The following PEX6 variants were observed in gnomAD, a reference collection of about 807,000 sequenced individuals.
PEX6 encodes peroxisomal biogenesis factor 6.
Under a neutral mutation model 85.6 loss-of-function variants are expected in PEX6, and 55 were observed. The observed-to-expected ratio is 0.64, with a 90% CI of 0.52 to 0.80. The LOEUF (loss-of-function observed/expected upper bound fraction) is 0.80. Ranked by LOEUF, PEX6 falls within the 30% of genes least tolerant of loss-of-function variation. The probability of loss-of-function intolerance (pLI) is 0.00; values close to 1 mark genes in which losing one functional copy is unlikely to be tolerated. For synonymous variants in PEX6, 519 were observed against 549.1 expected (o/e 0.95, Z 0.77); for missense variants, 1,099 against 1,260.3 (o/e 0.87, Z 1.94).
chr6:42,978,191 A>C, intron 1 of PEX6, 78 bp downstream of exon 1: 1 of 1,548,574 alleles, frequency 6.5e-7, no homozygotes, highest in Non-Finnish European at 8.9e-7. Flanking sequence ...CACGAGTCCT[A>C]AATCTTCCAA....
In PEX6 at chr6:42,978,500, G is replaced by A. The variant is rs1156724790; in HGVS notation, c.651C>T (p.Leu217=). The change falls in exon 1 of 17, where the codon CTC becomes CTT. Residue 217 remains leucine (L), a synonymous_variant. Coordinates refer to ENST00000304611, the MANE Select transcript of PEX6 (RefSeq NM_000287.4). Reference sequence around the variant, plus strand: ...CCACCCACACCCATTCGCCCTGGAAGAGGCCAAGGCCACGGAGACAGCTCC... The same window carrying A: ...CCACCCACACCCATTCGCCCTGGAAAAGGCCAAGGCCACGGAGACAGCTCC... ...VSRSCLRGLG[L]FQGEWVWVAQ... is the part of the protein sequence containing the mutation. 1.2e-6 allele frequency: 2 copies of A among 1,614,208 alleles called. No homozygotes were observed. The highest frequency in any genetic ancestry group is 8.5e-7 in the Non-Finnish European group (1 of 1,180,038).
At chr6:42,973,874 G>T in intron 3 of PEX6, 129 bp downstream of exon 3, 1 of 707,174 alleles carries the variant, frequency 1.4e-6, no homozygotes, top group East Asian at 2.8e-5. Flanking sequence ...ACACACACAC[G>T]CACACACAAA....
chr6:42,968,817 G>A, intron 6 of PEX6, 57 bp downstream of exon 6: 6 of 1,259,594 alleles, frequency 4.8e-6, no homozygotes, highest in South Asian at 2.4e-5. Context: ...AGCAGAGAGG[G>A]AGAACATGAG....
At chr6:42,969,080 CCT>C (rs1443461452) in intron 5 of PEX6, 95 bp from the exon 6 acceptor site, 11 of 861,476 alleles carry the variant, frequency 1.3e-5, no homozygotes, top group Non-Finnish European at 1.7e-5. Flanking sequence ...AAGCAGATAC[CCT>C]GTTTTTCTCT....
At chr6:42,966,989 TGA>T (rs1191279286) in intron 8 of PEX6, 131 bp from the exon 9 acceptor site, 36 of 608,544 alleles carry the variant, frequency 5.9e-5, no homozygotes, top group South Asian at 5.6e-4. Flanking sequence ...TTTTTTTTTT[TGA>T]GACGGAGTTT....
At chr6:42,974,184 G>T in intron 2 of PEX6, 98 bp from the exon 3 acceptor site, 2 of 892,456 alleles carry the variant, frequency 2.2e-6, no homozygotes, top group South Asian at 1.3e-5. Flanking sequence ...TACTTCTTGA[G>T]TCTACTGCCC....
intron 3 of PEX6, among the ~76,000 whole-genome samples, chr6:42,973,786 C>A (rs1057343289): frequency 6.6e-6 from 1 of 152,092 alleles, no homozygotes; most frequent in African/African-American, 2.4e-5. Context: ...ATCACTTGAG[C>A]CATGGAGGTA....
chr6:42,973,861 TACAC>T (rs1047866024), intron 3 of PEX6, 138 bp downstream of exon 3: 9 of 685,344 alleles, frequency 1.3e-5, no homozygotes, highest in East Asian at 1.1e-4. Context: ...AAGAACCTGT[TACAC>T]ACACACACGC....
In PEX6 at chr6:42,974,911, T is replaced by C; in HGVS notation, c.1010A>G (p.Tyr337Cys). 3 of 1,614,080 alleles carry C rather than the reference T, an allele frequency of 1.9e-6. No homozygotes were observed. The highest frequency in any genetic ancestry group is 2.5e-6 in the Non-Finnish European group (3 of 1,179,972). ...SSPHYSTNGN[Y>C]DGVLYRHFQI... ...AAAGTGCCGGTAAAGAACACCGTCATAATTTCCATTAGTGCTGTAGTGGGG... is the reference window on the plus strand; with the variant it reads ...AAAGTGCCGGTAAAGAACACCGTCACAATTTCCATTAGTGCTGTAGTGGGG... The change falls in exon 2 of 17, where the codon TAT becomes TGT. Residue 337 changes from tyrosine to cysteine, a missense_variant. Physicochemically the swap from Tyr to Cys is radical, Grantham distance 194. This residue lies in a region of PEX6 where 579 missense variants were observed against 611.6 expected (regional missense o/e 0.95). Transcript: ENST00000304611.
intron 9 of PEX6, 33 bp downstream of exon 9, chr6:42,966,749 C>T: frequency 6.2e-7 from 1 of 1,614,016 alleles, no homozygotes; most frequent in South Asian, 1.1e-5. Context: ...TCCATTTCCT[C>T]TTTCCGCCTT....
At chr6:42,969,055 T>C in intron 5 of PEX6, 70 bp from the exon 6 acceptor site, 2 of 1,026,356 alleles carry the variant, frequency 1.9e-6, no homozygotes, top group Non-Finnish European at 3.1e-6. Context: ...TAACACAAGA[T>C]CCCTTAGATC....
chr6:42,978,145 A>G, intron 1 of PEX6, 124 bp downstream of exon 1: 1 of 1,231,682 alleles, frequency 8.1e-7, no homozygotes, highest in Non-Finnish European at 1.2e-6. Flanking sequence ...GCGCCCGGCT[A>G]GAAACATTAT....
intron 7 of PEX6, 128 bp downstream of exon 7, chr6:42,968,162 G>A: frequency 1.3e-6 from 1 of 779,282 alleles, no homozygotes; most frequent in South Asian, 1.5e-5. Flanking sequence ...GGCCAGGCTG[G>A]TCTTGAACTC....
intron 2 of PEX6, among the ~76,000 whole-genome samples, chr6:42,974,451 GTT>G (rs541877938): frequency 8.2e-5 from 5 of 61,030 alleles, no homozygotes; most frequent in African/African-American, 1.6e-4. Flanking sequence ...TGTTTTTTTT[GTT>G]TTTTTTTTTT....
At chr6:42,975,265 AAAGAT>A (rs1206700369) in intron 1 of PEX6, among the ~76,000 whole-genome samples, 1 of 152,178 alleles carries the variant, frequency 6.6e-6, no homozygotes, top group Admixed American at 6.5e-5. Context: ...TTTTCTCAGT[AAAGAT>A]AACCTTTCTG....
In PEX6 at chr6:42,978,682, C is replaced by T. The variant is rs777547423; in HGVS notation, c.469G>A (p.Val157Met). 1 of 1,555,170 alleles carries T rather than the reference C, an allele frequency of 6.4e-7. No individual in the cohort carries two copies. Among genetic ancestry groups the T allele is most frequent in the South Asian group, 1.2e-5 (1 of 86,080 alleles). The part of the protein sequence containing the change: ...GLLGPGTRLA[V>M]TELRGRARLC... ...CTGGCCCGCCCGCGGAGCTCAGTCA[C>T]AGCCAGCCGAGTCCCTGGGCCCAGC... The change falls in exon 1 of 17, where the codon GTG becomes ATG. Residue 157 changes from valine (V) to methionine (M), a missense_variant. By Grantham distance (21) the Val-to-Met change is conservative (BLOSUM62 1). Transcript: ENST00000304611.
rs913882896 is a variant in PEX6 at position 42,965,671 on chromosome 6, A to C, written c.2471+10T>G. On this transcript the variant is annotated intron_variant, in intron 13 of 16. Coordinates refer to ENST00000304611, the MANE Select transcript of PEX6 (RefSeq NM_000287.4). The surrounding 1 kb of genome is among the most constrained non-coding windows in gnomAD (Gnocchi z 5.0). ...GACCCCTCAGCTTTCATTCCCACTC[A>C]GACCCCTACCTGTCCATCACTCCTC... The C allele has an allele frequency of 6.3e-7, 1 of 1,596,276 alleles. No individual in the cohort carries two copies. The highest frequency in any genetic ancestry group is 8.6e-7 in the Non-Finnish European group (1 of 1,163,760).
At position 42,964,939 on chromosome 6, in the gene PEX6, G is replaced by T. The variant is rs1554126803; in HGVS notation, c.2667-10C>A. 6.2e-7 allele frequency: 1 copy of T among 1,614,118 alleles called. No homozygotes were observed. ...TGGCTCTAGCTTGAATCTGTTGTGG[G>T]ATACAGGAAGAAACAGAGTTGGCAT... On this transcript the variant is annotated splice_polypyrimidine_tract_variant and intron_variant, in intron 15 of 16. Coordinates refer to ENST00000304611, the MANE Select transcript of PEX6 (RefSeq NM_000287.4). This position sits in a 1 kb window ranked among gnomAD's most constrained non-coding sequence, Gnocchi z 4.6.
Position 42,964,186 on chromosome 6 carries a change from C to A in PEX6, c.*149G>T, listed in dbSNP as rs2114234583. 1 of 822,458 alleles carries A rather than the reference C, an allele frequency of 1.2e-6. No individual in the cohort carries two copies. Among genetic ancestry groups the A allele is most frequent in the Non-Finnish European group, 2.0e-6 (1 of 507,628 alleles). The allele number at this position is 822,458 out of a possible 1,614,324, so 50.9% of individuals were successfully genotyped here. ...TGAGCTGTTGCTGCTGTCTCAATGC[C>A]ACTTTGCACCCTGGGATCTCCTGGA... On this transcript the variant is annotated 3_prime_UTR_variant, in exon 17 of 17. Coordinates refer to ENST00000304611, the MANE Select transcript of PEX6 (RefSeq NM_000287.4). The surrounding 1 kb of genome is among the most constrained non-coding windows in gnomAD (Gnocchi z 4.6).
Sources: allele counts gnomAD v4.1 joint callset (sites outside exome capture counted in the v4.1 genomes callset), GRCh38; gene constraint gnomAD v4.1.1; regional missense constraint gnomAD v4.1.1; non-coding constraint Gnocchi (gnomAD v3.1); transcripts MANE v1.5; gene names NCBI Gene and HGNC (gene_info 2026-07-23, HGNC 2026-07-21).